Variants in KIAA0825 observed in about 807,000 individuals in gnomAD.
The protein encoded by KIAA0825 is KIAA0825.
KIAA0825 carries 119 observed loss-of-function variants against 147.6 expected under a neutral mutation model. The ratio of observed to expected loss-of-function variants is 0.81; its 90% CI spans 0.69 to 0.94. The LOEUF (loss-of-function observed/expected upper bound fraction) is 0.94. KIAA0825 is among the 40% of genes least tolerant of loss of function. KIAA0825 has a pLI of 0.00. For synonymous variants in KIAA0825, 470 were observed against 518.1 expected, an observed-to-expected ratio of 0.91 and a Z score of 1.26; for missense variants, 1,381 against 1,472.7, an observed-to-expected ratio of 0.94 and a Z score of 1.02.
chr5:94,166,256 G>T (rs923190709), intron 20 of KIAA0825, among the ~76,000 whole-genome samples: 1 of 152,200 alleles, frequency 6.6e-6, no homozygotes, highest in African/African-American at 2.4e-5. Flanking sequence ...TTCAGACAGA[G>T]AGCGTTCATT....
intron 20 of KIAA0825, among the ~76,000 whole-genome samples, chr5:94,243,805 C>T (rs574072725): frequency 2.4e-4 from 37 of 152,274 alleles, no homozygotes; most frequent in Admixed American, 2.1e-3. Flanking sequence ...TTGTCCCTAC[C>T]GCAGGCTTTC....
intron 5 of KIAA0825, among the ~76,000 whole-genome samples, chr5:94,504,258 G>A (rs914924984): frequency 6.6e-6 from 1 of 152,146 alleles, no homozygotes; most frequent in Admixed American, 6.5e-5. Flanking sequence ...TCTCAAGTAG[G>A]TAGAGGGACA....
chr5:94,295,295 C>T (rs1213389634), intron 20 of KIAA0825, among the ~76,000 whole-genome samples: 4 of 151,980 alleles, frequency 2.6e-5, no homozygotes, highest in Admixed American at 6.6e-5. Flanking sequence ...CTTCTCTAAA[C>T]TGGTTATTCT....
intron 1 of KIAA0825, among the ~76,000 whole-genome samples, chr5:94,604,979 T>TA (rs1787217759): frequency 1.3e-5 from 2 of 151,234 alleles, no homozygotes; most frequent in African/African-American, 2.4e-5. Context: ...TCAAAAAAAT[T>TA]AAAAAAATAG....
chr5:94,354,315 A>C (rs955133437), intron 20 of KIAA0825, among the ~76,000 whole-genome samples: 1 of 152,180 alleles, frequency 6.6e-6, no homozygotes, highest in African/African-American at 2.4e-5. Flanking sequence ...TCCTCTCTCC[A>C]ACATTTCCTT....
At chr5:94,181,413 CTT>C (rs779196878) in intron 20 of KIAA0825, among the ~76,000 whole-genome samples, 1 of 152,174 alleles carries the variant, frequency 6.6e-6, no homozygotes, top group Admixed American at 6.5e-5. Context: ...TTAATGTGCT[CTT>C]GTTTCCATTC....
At chr5:94,343,507 G>T (rs1488153497) in intron 20 of KIAA0825, among the ~76,000 whole-genome samples, 3 of 152,134 alleles carry the variant, frequency 2.0e-5, no homozygotes, top group Non-Finnish European at 4.4e-5. Context: ...GGCTAACACA[G>T]TGAAACCCAG....
intron 20 of KIAA0825, among the ~76,000 whole-genome samples, chr5:94,341,058 A>G (rs779525649): frequency 5.3e-5 from 8 of 152,186 alleles, no homozygotes; most frequent in Admixed American, 2.0e-4. Context: ...TGGTGAAGGA[A>G]AGCCTGTTAA....
intron 2 of KIAA0825, among the ~76,000 whole-genome samples, chr5:94,564,591 A>G: frequency 7.1e-6 from 1 of 140,900 alleles, no homozygotes; most frequent in African/African-American, 2.7e-5. Context: ...TGTGATGGAG[A>G]TGAGGTATCC....
At chr5:94,234,328 G>A (rs1319566438) in intron 20 of KIAA0825, among the ~76,000 whole-genome samples, 7 of 151,028 alleles carry the variant, frequency 4.6e-5, no homozygotes, top group African/African-American at 7.3e-5. Context: ...CCGAGATCGC[G>A]CCACTGCACT....
intron 1 of KIAA0825, among the ~76,000 whole-genome samples, chr5:94,613,898 T>G (rs1789645186): frequency 6.6e-6 from 1 of 152,384 alleles, no homozygotes; most frequent in East Asian, 1.9e-4. Flanking sequence ...GCACCAAGTT[T>G]CAATTAAAAA....
At chr5:94,293,406 T>G (rs556828908) in intron 20 of KIAA0825, among the ~76,000 whole-genome samples, 4 of 152,358 alleles carry the variant, frequency 2.6e-5, no homozygotes, top group Middle Eastern at 3.4e-3. Context: ...TCAGTTTCCA[T>G]GTAGTTGTGC....
In KIAA0825 at chr5:94,431,268, A is replaced by G. The variant is rs542665494; in HGVS notation, c.2497+8714T>C. Among the ~76,000 whole-genome samples, 6 of 152,342 alleles carry G rather than the reference A, an allele frequency of 3.9e-5. No individual in the cohort carries two copies. In the South Asian group the frequency reaches 1.0e-3, roughly 26 times the overall value. On this transcript the variant is annotated intron_variant, in intron 14 of 20. Transcript: ENST00000682413. The stretch of plus-strand genomic sequence containing the variant: ...ATGAATTAATAAGGTCAATATTAGT[A>G]CCCCATTTAGAAATGAGAAAATGAG...
At chr5:94,373,648 C>T (rs187003262) in intron 20 of KIAA0825, among the ~76,000 whole-genome samples, 21 of 152,042 alleles carry the variant, frequency 1.4e-4, no homozygotes, top group Middle Eastern at 3.4e-3. Flanking sequence ...TGGGGGAAAC[C>T]GCTCCCATGA....
At chr5:94,250,388 T>G (rs1775887013) in intron 20 of KIAA0825, among the ~76,000 whole-genome samples, 1 of 152,190 alleles carries the variant, frequency 6.6e-6, no homozygotes, top group Non-Finnish European at 1.5e-5. Flanking sequence ...GAAAACAGAA[T>G]ATAATTATTA....
chr5:94,494,338 TG>T (rs1445249563), intron 5 of KIAA0825, among the ~76,000 whole-genome samples: 23 of 147,824 alleles, frequency 1.6e-4, no homozygotes, highest in Non-Finnish European at 1.5e-4. Context: ...TTTTTTTTTT[TG>T]ACTGAGAACA....
At chr5:94,497,569 AC>A (rs1305230900) in intron 5 of KIAA0825, among the ~76,000 whole-genome samples, 11 of 152,316 alleles carry the variant, frequency 7.2e-5, no homozygotes, top group Middle Eastern at 3.4e-3. Flanking sequence ...CCAAAGTAAA[AC>A]AAACAAACAA....
intron 20 of KIAA0825, among the ~76,000 whole-genome samples, chr5:94,248,719 A>G (rs927481827): frequency 8.5e-5 from 13 of 152,146 alleles, no homozygotes; most frequent in East Asian, 1.9e-4. Context: ...AAGGAAACCA[A>G]CCCATCAGCA....
intron 20 of KIAA0825, among the ~76,000 whole-genome samples, chr5:94,325,226 C>T (rs987164383): frequency 4.0e-5 from 6 of 151,816 alleles, no homozygotes; most frequent in Admixed American, 1.3e-4. Context: ...GAACATGGAC[C>T]TATGGTATAC....
Sources: allele counts gnomAD v4.1 joint callset (sites outside exome capture counted in the v4.1 genomes callset), GRCh38; gene constraint gnomAD v4.1.1; transcripts MANE v1.5; gene names NCBI Gene and HGNC (gene_info 2026-07-23, HGNC 2026-07-21).